Variants in EGFLAM observed in about 807,000 individuals in gnomAD.
EGFLAM encodes the protein pikachurin.
EGFLAM carries 79 observed loss-of-function variants against 113.1 expected under a neutral mutation model. The ratio of observed to expected loss-of-function variants is 0.70; its 90% confidence interval spans 0.58 to 0.84. The LOEUF (loss-of-function observed/expected upper bound fraction) is 0.84, where lower values mean the gene tolerates loss of function less well. Among genes scored for constraint, EGFLAM ranks in the 40% least tolerant of loss-of-function variants. EGFLAM has a pLI of 0.00. For missense variants in EGFLAM, 1,265 were observed against 1,291.6 expected, an observed-to-expected ratio of 0.98 and a Z score of 0.32; for synonymous variants, 504 against 487.6, an observed-to-expected ratio of 1.03 and a Z score of -0.44.
chr5:38,339,873 G>A (rs553243209), intron 3 of EGFLAM, among the ~76,000 whole-genome samples: 125 of 152,152 alleles, frequency 8.2e-4, no homozygotes, highest in Non-Finnish European at 1.4e-3. Context: ...TCGGCACCCA[G>A]CATTGGCCGC....
intron 1 of EGFLAM, among the ~76,000 whole-genome samples, chr5:38,262,339 T>G (rs945701621): frequency 3.3e-5 from 5 of 152,226 alleles, no homozygotes; most frequent in African/African-American, 1.2e-4. Flanking sequence ...TTGTCCTTAT[T>G]ATCATTTTAA....
At position 38,435,806 on chromosome 5, in the gene EGFLAM, CTTTTTTTTTTT is replaced by C. The variant is rs60461690; in HGVS notation, c.2283+572_2283+582del. Among the ~76,000 whole-genome samples, 78 of 88,920 alleles carry C rather than the reference CTTTTTTTTTTT, an allele frequency of 8.8e-4. 2 individuals are homozygous for C. In the South Asian group the frequency reaches 0.021, roughly 24 times the overall value. The allele number at this position is 88,920 out of a possible 152,430, so 58.3% of individuals were successfully genotyped here. A position where few individuals can be genotyped will look rare whatever the true frequency, so the allele number is the denominator to read the frequency against. Reference sequence around the variant, plus strand: ...AAGATACTGACTCCCCCGGCTCTCTCTTTTTTTTTTTTTTTTTTTTTTTTTTTTTGAGATTG... The same window carrying C: ...AAGATACTGACTCCCCCGGCTCTCTCTTTTTTTTTTTTTTTTTTGAGATTG... On this transcript the variant is annotated intron_variant, in intron 16 of 21. Transcript: ENST00000322350.
At chr5:38,272,053 G>A (rs1246812031) in intron 1 of EGFLAM, among the ~76,000 whole-genome samples, 1 of 152,192 alleles carries the variant, frequency 6.6e-6, no homozygotes, top group Non-Finnish European at 1.5e-5. Context: ...CCACATTTCA[G>A]TATGATTCAG....
intron 20 of EGFLAM, chr5:38,460,824 T>C (rs570674201): frequency 5.9e-5 from 9 of 152,332 alleles, no homozygotes; most frequent in South Asian, 2.1e-4. Flanking sequence ...GGGTTAGAGA[T>C]AGGAGTGTCA....
At chr5:38,437,199 A>G (rs916597686) in intron 16 of EGFLAM, among the ~76,000 whole-genome samples, 1 of 152,232 alleles carries the variant, frequency 6.6e-6, no homozygotes, top group African/African-American at 2.4e-5. Flanking sequence ...CTTGAGCACC[A>G]GTAAATCCAT....
At chr5:38,273,244 C>A (rs766914940) in intron 1 of EGFLAM, among the ~76,000 whole-genome samples, 14 of 152,168 alleles carry the variant, frequency 9.2e-5, no homozygotes, top group Non-Finnish European at 1.9e-4. Context: ...TAATTCTGGG[C>A]TCACCACAGT....
intron 1 of EGFLAM, among the ~76,000 whole-genome samples, chr5:38,302,591 T>G (rs567145613): frequency 1.3e-5 from 2 of 152,182 alleles, no homozygotes; most frequent in East Asian, 3.9e-4. Context: ...ATAATTAACT[T>G]TATCTCCATT....
intron 1 of EGFLAM, among the ~76,000 whole-genome samples, chr5:38,280,815 A>T (rs1757995173): frequency 6.6e-6 from 1 of 152,216 alleles, no homozygotes; most frequent in East Asian, 1.9e-4. Flanking sequence ...ACTGCTTTGT[A>T]ATACATGCCT....
intron 6 of EGFLAM, among the ~76,000 whole-genome samples, chr5:38,399,277 GTT>G (rs797021726): frequency 1.4e-4 from 17 of 118,456 alleles, no homozygotes; most frequent in Admixed American, 1.7e-4. Flanking sequence ...TTTTGTTTTC[GTT>G]TTTTTTTTTT....
intron 3 of EGFLAM, among the ~76,000 whole-genome samples, 194 bp from the exon 4 acceptor site, chr5:38,350,307 C>T (rs1739586374): frequency 6.6e-6 from 1 of 152,164 alleles, no homozygotes; most frequent in South Asian, 2.1e-4. Flanking sequence ...GGCCATCCTC[C>T]AGTCTTGGAA....
intron 1 of EGFLAM, among the ~76,000 whole-genome samples, chr5:38,299,372 A>T (rs1206738868): frequency 6.6e-6 from 1 of 152,212 alleles, no homozygotes. Context: ...AGAATTCAGG[A>T]CACTGTGGCA....
At chr5:38,417,323 G>A (rs1409728612) in intron 11 of EGFLAM, among the ~76,000 whole-genome samples, 1 of 134,700 alleles carries the variant, frequency 7.4e-6, no homozygotes, top group Non-Finnish European at 1.5e-5. Flanking sequence ...ACTCCAGCCT[G>A]GGAGACAGAG....
Position 38,463,026 on chromosome 5 carries a change from C to T in EGFLAM, c.2875+15C>T, listed in dbSNP as rs767335159. On this transcript the variant is annotated intron_variant, in intron 21 of 21. Transcript: ENST00000322350. The stretch of plus-strand genomic sequence containing the variant: ...TCTGTATGTGGGTAAGTGACCGACC[C>T]TCGACCAAAGCAAAATTAGGCCAGT... 1.2e-5 allele frequency: 20 copies of T among 1,606,834 alleles called. No homozygotes were observed. The highest frequency in any genetic ancestry group is 6.7e-5 in the Admixed American group (4 of 59,662).
intron 1 of EGFLAM, among the ~76,000 whole-genome samples, chr5:38,331,843 GT>G (rs1739051145): frequency 6.6e-6 from 1 of 152,128 alleles, no homozygotes; most frequent in Non-Finnish European, 1.5e-5. Context: ...AGAACTTCTT[GT>G]TTACTTCCAA....
intron 3 of EGFLAM, among the ~76,000 whole-genome samples, chr5:38,344,550 C>G (rs3099131): frequency 0.92 from 138,990 of 151,782 alleles, 63,775 homozygotes; most frequent in African/African-American, 0.96. Context: ...ACCCAGGTTG[C>G]TTTTGTATAT....
At chr5:38,267,598 G>A (rs1757663306) in intron 1 of EGFLAM, among the ~76,000 whole-genome samples, 1 of 152,110 alleles carries the variant, frequency 6.6e-6, no homozygotes, top group African/African-American at 2.4e-5. Context: ...GTGACTCTAC[G>A]AATTACTTTA....
At chr5:38,378,506 G>A (rs1431913619) in intron 6 of EGFLAM, among the ~76,000 whole-genome samples, 3 of 152,248 alleles carry the variant, frequency 2.0e-5, no homozygotes, top group South Asian at 2.1e-4. Context: ...AAGCAATGGA[G>A]ACAGAAGGTA....
At chr5:38,323,797 G>C (rs12187044) in intron 1 of EGFLAM, among the ~76,000 whole-genome samples, 53,586 of 151,736 alleles carry the variant, frequency 0.35, 10,605 homozygotes, top group African/African-American at 0.54. Flanking sequence ...GTCTGTAATC[G>C]TAGCACTTTG....
intron 1 of EGFLAM, among the ~76,000 whole-genome samples, chr5:38,285,173 A>G (rs1197512143): frequency 6.6e-6 from 1 of 152,172 alleles, no homozygotes; most frequent in Non-Finnish European, 1.5e-5. Flanking sequence ...GAGCCCACCA[A>G]TTGGAGTTCT....
Sources: gnomAD v4.1 joint callset for allele counts (sites outside exome capture counted in the v4.1 genomes callset) on GRCh38, gnomAD v4.1.1 for gene constraint, MANE v1.5 for transcripts, NCBI Gene and HGNC (gene_info 2026-07-23, HGNC 2026-07-21) for gene names.